UBE2F: variants seen among roughly 807,000 people sequenced by gnomAD.
UBE2F encodes the protein NEDD8-conjugating enzyme UBE2F.
A neutral mutation model predicts 29.6 loss-of-function variants in UBE2F; 5 were observed. That is an observed-to-expected ratio of 0.17 (90% CI 0.09 to 0.36). UBE2F has a LOEUF of 0.36. UBE2F is among the 10% of genes least tolerant of loss of function. The probability of loss-of-function intolerance (pLI) is 1.00; values close to 1 mark genes in which losing one functional copy is unlikely to be tolerated. For synonymous variants in UBE2F, 66 were observed against 81.8 expected (o/e 0.81, Z 1.04); for missense variants, 141 against 228.5 (o/e 0.62, Z 2.47).
intron 5 of UBE2F, among the ~76,000 whole-genome samples, chr2:238,018,103 A>G (rs966920301): frequency 6.6e-6 from 1 of 152,082 alleles, no homozygotes; most frequent in Admixed American, 6.6e-5. Flanking sequence ...TCCATCCACC[A>G]CCTGCTGAGA....
intron 2 of UBE2F, among the ~76,000 whole-genome samples, chr2:237,979,249 G>C (rs1453210902): frequency 6.6e-6 from 1 of 152,196 alleles, no homozygotes; most frequent in Non-Finnish European, 1.5e-5. Context: ...TGTTTTGGCT[G>C]ATGGGAGCTG....
intron 2 of UBE2F, among the ~76,000 whole-genome samples, chr2:237,981,307 G>T (rs190009978): frequency 6.6e-6 from 1 of 152,270 alleles, no homozygotes; most frequent in African/African-American, 2.4e-5. Flanking sequence ...ATTTGCCCTC[G>T]TTGGAAGTGC....
chr2:237,971,510 G>A (rs897707296), intron 1 of UBE2F, among the ~76,000 whole-genome samples: 1 of 152,116 alleles, frequency 6.6e-6, no homozygotes, highest in South Asian at 2.1e-4. Context: ...TTTTAGTAGA[G>A]ACGGGGTTTC....
chr2:238,019,659 T>TTTTTTG (rs2064245777), intron 5 of UBE2F, among the ~76,000 whole-genome samples: 1 of 140,784 alleles, frequency 7.1e-6, no homozygotes, highest in African/African-American at 2.7e-5. Context: ...TCAGCCTTTT[T>TTTTTTG]TTTTTTTTTT....
chr2:238,022,277 TATTTTC>T (rs2064314341), intron 5 of UBE2F, among the ~76,000 whole-genome samples: 3 of 151,844 alleles, frequency 2.0e-5, no homozygotes, highest in African/African-American at 7.3e-5. Flanking sequence ...TCAAGCATTA[TATTTTC>T]ATTTCTTAAG....
chr2:237,973,673 GA>G (rs1324462712), intron 2 of UBE2F: 5 of 1,302,786 alleles, frequency 3.8e-6, no homozygotes, highest in Non-Finnish European at 5.1e-6. Flanking sequence ...CGAATCTTGT[GA>G]AAAATTAGTT....
At chr2:237,978,289 C>G (rs947169168) in intron 2 of UBE2F, among the ~76,000 whole-genome samples, 4 of 152,232 alleles carry the variant, frequency 2.6e-5, no homozygotes, top group African/African-American at 9.6e-5. Context: ...ATCACAGCGC[C>G]TGGCTCATTG....
At chr2:237,981,669 T>G (rs940837264) in intron 2 of UBE2F, among the ~76,000 whole-genome samples, 1 of 123,030 alleles carries the variant, frequency 8.1e-6, no homozygotes, top group African/African-American at 3.0e-5. Flanking sequence ...GTCTGTCATC[T>G]AGGCTGGAGT....
At position 237,975,312 on chromosome 2, in the gene UBE2F, G is replaced by A. The variant is rs553153678; in HGVS notation, c.118+2087G>A. ...TTTTGTAGAGATGGGGTTTCATTATGTTGCCCAGGCTGGTCTTGAACTCCT... is the reference window on the plus strand; with the variant it reads ...TTTTGTAGAGATGGGGTTTCATTATATTGCCCAGGCTGGTCTTGAACTCCT... On this transcript the variant is annotated intron_variant, in intron 2 of 9. Coordinates refer to ENST00000272930, the MANE Select transcript of UBE2F (RefSeq NM_080678.3). Among the ~76,000 whole-genome samples, 7 of 151,874 alleles carry A rather than the reference G, an allele frequency of 4.6e-5. No individual in the cohort carries two copies. In the East Asian group the frequency reaches 1.4e-3, roughly 30 times the overall value.
chr2:237,987,794 C>T (rs551464410), intron 2 of UBE2F, among the ~76,000 whole-genome samples, 169 bp from the exon 3 acceptor site: 7 of 150,814 alleles, frequency 4.6e-5, no homozygotes, highest in South Asian at 4.2e-4. Context: ...CTTTGTATAT[C>T]GAAAGCAGCT....
chr2:237,983,394 C>A (rs1335044943), intron 2 of UBE2F, among the ~76,000 whole-genome samples: 2 of 152,232 alleles, frequency 1.3e-5, no homozygotes, highest in East Asian at 3.9e-4. Flanking sequence ...TCTAGCTCCT[C>A]CACTGTCTGT....
intron 4 of UBE2F, among the ~76,000 whole-genome samples, chr2:238,001,935 C>T (rs989460680): frequency 6.6e-6 from 1 of 152,170 alleles, no homozygotes; most frequent in Admixed American, 6.5e-5. Flanking sequence ...TGATAATAAA[C>T]GTGCAGCTTA....
chr2:237,970,013 A>G (rs1487589156), intron 1 of UBE2F, among the ~76,000 whole-genome samples: 1 of 152,174 alleles, frequency 6.6e-6, no homozygotes, highest in Non-Finnish European at 1.5e-5. Context: ...AATACACTAA[A>G]TTGCCCATAT....
intron 9 of UBE2F, among the ~76,000 whole-genome samples, chr2:238,036,595 G>A (rs1483398907): frequency 1.3e-5 from 2 of 152,280 alleles, no homozygotes; most frequent in African/African-American, 2.4e-5. Flanking sequence ...CAGCCTTTGG[G>A]AGGCCACTGT....
intron 5 of UBE2F, among the ~76,000 whole-genome samples, chr2:238,024,377 G>A (rs369026404): frequency 1.3e-5 from 2 of 152,080 alleles, no homozygotes; most frequent in Non-Finnish European, 1.5e-5. Context: ...GCAGGGACTC[G>A]CTCTGTCACC....
At chr2:237,990,255 T>C (rs2063557808) in intron 3 of UBE2F, among the ~76,000 whole-genome samples, 2 of 149,936 alleles carry the variant, frequency 1.3e-5, no homozygotes, top group African/African-American at 4.9e-5. Context: ...ATTGGCAAAA[T>C]GTTGAAGCTG....
intron 4 of UBE2F, among the ~76,000 whole-genome samples, chr2:238,010,048 A>G (rs2063986344): frequency 6.6e-6 from 1 of 152,048 alleles, no homozygotes; most frequent in South Asian, 2.1e-4. Flanking sequence ...TCATGTTTTC[A>G]TTCCACTTGT....
At position 237,967,053 on chromosome 2, in the gene UBE2F, G is replaced by C; in HGVS notation, c.-96G>C. 1 of 1,316,896 alleles carries C rather than the reference G, an allele frequency of 7.6e-7. No homozygotes were observed. 81.6% of individuals were successfully genotyped at this position (1,316,896 alleles called of 1,614,324 possible). ...CGCCGGGAGCCGGTGCGGCTGTGAG[G>C]GGCCGCGTCTCGCAGCAGCCGCCCG... On this transcript the variant is annotated 5_prime_UTR_variant, in exon 1 of 10. Coordinates refer to ENST00000272930, the MANE Select transcript of UBE2F (RefSeq NM_080678.3). This position sits in a 1 kb window ranked among gnomAD's most constrained non-coding sequence, Gnocchi z 6.3.
At chr2:238,034,222 T>C (rs1028940952) in intron 8 of UBE2F, among the ~76,000 whole-genome samples, 81 of 151,548 alleles carry the variant, frequency 5.3e-4, no homozygotes, top group African/African-American at 1.9e-3. Flanking sequence ...AGGTCAGAAA[T>C]TGGAGACCAG....
Sources: gnomAD v4.1 joint callset for allele counts (sites outside exome capture counted in the v4.1 genomes callset) on GRCh38, gnomAD v4.1.1 for gene constraint, Gnocchi (gnomAD v3.1) non-coding constraint, MANE v1.5 for transcripts, NCBI Gene and HGNC (gene_info 2026-07-23, HGNC 2026-07-21) for gene names.